Variants in VMP1 observed in about 807,000 individuals in gnomAD.
The protein encoded by VMP1 is vacuole membrane protein 1.
VMP1 carries 11 observed loss-of-function variants against 56.0 expected under a neutral mutation model. The ratio of observed to expected loss-of-function variants is 0.20; its 90% CI spans 0.12 to 0.32. VMP1 has a LOEUF of 0.32. Among genes scored for constraint, VMP1 ranks in the 10% least tolerant of loss-of-function variants. The pLI, the probability that VMP1 is intolerant of heterozygous loss-of-function variation, is 1.00. For synonymous variants in VMP1, 149 were observed against 165.0 expected (o/e 0.90, Z 0.74); for missense variants, 296 against 490.3 (o/e 0.60, Z 3.74).
At chr17:59,712,025 A>G (rs1331446636) in intron 1 of VMP1, among the ~76,000 whole-genome samples, 1 of 152,074 alleles carries the variant, frequency 6.6e-6, no homozygotes, top group Non-Finnish European at 1.5e-5. Context: ...GTTACTTTTT[A>G]CTTCTTGCTA....
chr17:59,752,840 G>C (rs2035702581), intron 5 of VMP1, among the ~76,000 whole-genome samples: 1 of 152,110 alleles, frequency 6.6e-6, no homozygotes, highest in Admixed American at 6.5e-5. Flanking sequence ...ATTTTTAGCT[G>C]TTCTTATTTT....
chr17:59,816,059 C>A (rs1206186933), intron 9 of VMP1, among the ~76,000 whole-genome samples: 1 of 152,174 alleles, frequency 6.6e-6, no homozygotes, highest in East Asian at 1.9e-4. Context: ...TTGTAGAATT[C>A]CCACTCAGAC....
chr17:59,768,241 AGCACACACTAAGT>A (rs1197801844), intron 6 of VMP1, among the ~76,000 whole-genome samples: 1 of 152,200 alleles, frequency 6.6e-6, no homozygotes, highest in Non-Finnish European at 1.5e-5. Context: ...TTAAAAATAC[AGCACACACTAAGT>A]TATGTTTAAA....
intron 10 of VMP1, among the ~76,000 whole-genome samples, chr17:59,826,407 G>A (rs1292572748): frequency 3.3e-5 from 5 of 152,156 alleles, no homozygotes; most frequent in Non-Finnish European, 7.4e-5. Context: ...GGAATTGTGG[G>A]CTAGAGGAAA....
chr17:59,754,871 G>C (rs2035778833), intron 5 of VMP1, among the ~76,000 whole-genome samples: 2 of 152,006 alleles, frequency 1.3e-5, no homozygotes, highest in Admixed American at 1.3e-4. Flanking sequence ...CACAGACTGG[G>C]TAACTTCCTG....
intron 10 of VMP1, among the ~76,000 whole-genome samples, chr17:59,824,665 G>C (rs2038579850): frequency 6.9e-6 from 1 of 145,366 alleles, no homozygotes; most frequent in Admixed American, 7.0e-5. Flanking sequence ...CTGAGGTCAG[G>C]AGTTCAAGAC....
chr17:59,768,590 A>T (rs1284860623), intron 6 of VMP1, among the ~76,000 whole-genome samples: 1 of 151,758 alleles, frequency 6.6e-6, no homozygotes, highest in Non-Finnish European at 1.5e-5. Context: ...GCGACAGAGC[A>T]ACTCTCCATC....
chr17:59,719,834 A>C (rs1296508838), intron 1 of VMP1, among the ~76,000 whole-genome samples: 3 of 152,166 alleles, frequency 2.0e-5, no homozygotes, highest in Non-Finnish European at 4.4e-5. Flanking sequence ...CTTCTGCAGG[A>C]AACAAATAAA....
At chr17:59,837,835 G>C (rs979750805) in intron 10 of VMP1, 1 of 152,280 alleles carries the variant, frequency 6.6e-6, no homozygotes, top group Non-Finnish European at 1.5e-5. Context: ...TTTAACTAGG[G>C]ATGACACAAG....
intron 1 of VMP1, among the ~76,000 whole-genome samples, chr17:59,716,470 A>T (rs968223934): frequency 6.6e-6 from 1 of 152,190 alleles, no homozygotes; most frequent in African/African-American, 2.4e-5. Context: ...TTGTGTGTAT[A>T]TGTGACTCTG....
At chr17:59,738,763 T>C in intron 4 of VMP1, 74 bp from the exon 5 acceptor site, 3 of 1,120,942 alleles carry the variant, frequency 2.7e-6, no homozygotes, top group Non-Finnish European at 4.0e-6. Context: ...GTTGATTTAA[T>C]TTTGATGATG....
At chr17:59,810,629 A>G (rs2038025249) in intron 8 of VMP1, among the ~76,000 whole-genome samples, 1 of 152,212 alleles carries the variant, frequency 6.6e-6, no homozygotes, top group African/African-American at 2.4e-5. Context: ...AGATGAAATA[A>G]TCCTAAAGCA....
intron 7 of VMP1, among the ~76,000 whole-genome samples, chr17:59,793,819 G>T (rs1425916834): frequency 3.7e-5 from 2 of 54,568 alleles, no homozygotes; most frequent in African/African-American, 7.1e-5. Flanking sequence ...TAGAGACAGG[G>T]TTTCACCTTG....
chr17:59,805,916 A>G (rs758352634), intron 7 of VMP1, among the ~76,000 whole-genome samples: 1 of 152,108 alleles, frequency 6.6e-6, no homozygotes, highest in Non-Finnish European at 1.5e-5. Context: ...TTTCTTGGCA[A>G]TTGAATACAA....
chr17:59,838,527 C>T (rs570088939), intron 11 of VMP1, 130 bp downstream of exon 11: 15 of 870,484 alleles, frequency 1.7e-5, no homozygotes, highest in African/African-American at 1.0e-4. Context: ...AGAAGTTGAG[C>T]GTCTGTGTAT....
At chr17:59,839,621 T>TCA in intron 11 of VMP1, 147 bp from the exon 12 acceptor site, 1 of 951,422 alleles carries the variant, frequency 1.1e-6, no homozygotes, top group South Asian at 1.8e-5. Flanking sequence ...GTAATGGAGA[T>TCA]TTCAGAGTAG....
chr17:59,815,099 T>C (rs1259539842), intron 9 of VMP1, among the ~76,000 whole-genome samples: 1 of 152,146 alleles, frequency 6.6e-6, no homozygotes, highest in African/African-American at 2.4e-5. Context: ...TTAATAAATA[T>C]TGCTATTTTT....
chr17:59,815,680 C>A (rs1039084757), intron 9 of VMP1, among the ~76,000 whole-genome samples: 1 of 134,020 alleles, frequency 7.5e-6, no homozygotes, highest in African/African-American at 3.4e-5. Context: ...GGTGAAACCC[C>A]GTCTCTACTA....
intron 10 of VMP1, among the ~76,000 whole-genome samples, chr17:59,825,142 T>C (rs1055683470): frequency 1.4e-5 from 2 of 143,026 alleles, no homozygotes; most frequent in Non-Finnish European, 3.0e-5. Context: ...GCTGGAGCGC[T>C]GTGGTGCAAT....
Sources: gnomAD v4.1 joint callset for allele counts (sites outside exome capture counted in the v4.1 genomes callset) on GRCh38, gnomAD v4.1.1 for gene constraint, MANE v1.5 for transcripts, NCBI Gene and HGNC (gene_info 2026-07-23, HGNC 2026-07-21) for gene names.